Variants in SORCS1 observed in about 807,000 individuals in gnomAD.
The protein encoded by SORCS1 is sortilin related VPS10 domain containing receptor 1.
A neutral mutation model predicts 146.1 loss-of-function variants in SORCS1; 60 were observed. The observed-to-expected ratio is 0.41, with a 90% CI of 0.33 to 0.51. SORCS1 has a LOEUF of 0.51. SORCS1 is among the 20% of genes least tolerant of loss of function. The pLI is 0.21. For missense variants in SORCS1, 1,352 were observed against 1,487.6 expected, an observed-to-expected ratio of 0.91 and a Z score of 1.50; for synonymous variants, 637 against 584.0, an observed-to-expected ratio of 1.09 and a Z score of -1.31.
At chr10:106,990,762 AG>A (rs765361368) in intron 1 of SORCS1, among the ~76,000 whole-genome samples, 8 of 152,218 alleles carry the variant, frequency 5.3e-5, no homozygotes, top group Non-Finnish European at 1.2e-4. Context: ...TTAATGCATA[AG>A]GTCTACTTCT....
intron 3 of SORCS1, among the ~76,000 whole-genome samples, chr10:106,815,630 T>C (rs577002332): frequency 5.4e-4 from 83 of 152,300 alleles, no homozygotes; most frequent in South Asian, 1.2e-3. Context: ...CATCATATTA[T>C]ACTCTCAGTC....
chr10:106,949,056 T>C (rs1225365775), intron 2 of SORCS1, among the ~76,000 whole-genome samples: 3 of 151,892 alleles, frequency 2.0e-5, no homozygotes, highest in African/African-American at 7.3e-5. Context: ...CACAAAAGAA[T>C]CTAGAATCCA....
intron 2 of SORCS1, among the ~76,000 whole-genome samples, chr10:106,883,055 A>G (rs1202598898): frequency 6.6e-6 from 1 of 152,234 alleles, no homozygotes; most frequent in Non-Finnish European, 1.5e-5. Flanking sequence ...AAGAGGTTCT[A>G]CAGAAGGTGT....
At chr10:106,620,271 T>A in intron 20 of SORCS1, 157 bp downstream of exon 20, 1 of 810,228 alleles carries the variant, frequency 1.2e-6, no homozygotes. Context: ...AGAGAGAACA[T>A]AATGATGAGA....
At chr10:107,137,600 C>T (rs1967426821) in intron 1 of SORCS1, among the ~76,000 whole-genome samples, 1 of 152,110 alleles carries the variant, frequency 6.6e-6, no homozygotes, top group African/African-American at 2.4e-5. Flanking sequence ...GTGGTGGCTC[C>T]GCCTGTAATC....
intron 2 of SORCS1, among the ~76,000 whole-genome samples, chr10:106,914,766 C>T (rs1047738480): frequency 2.6e-5 from 4 of 152,200 alleles, no homozygotes; most frequent in South Asian, 2.1e-4. Context: ...GAATGACTAG[C>T]GTGGGACCTT....
At chr10:106,618,451 T>C (rs1847523574) in intron 20 of SORCS1, among the ~76,000 whole-genome samples, 179 bp from the exon 21 acceptor site, 1 of 152,138 alleles carries the variant, frequency 6.6e-6, no homozygotes, top group African/African-American at 2.4e-5. Flanking sequence ...GAAAAGAGGC[T>C]ATTGGAGCAA....
At chr10:106,758,882 A>T (rs1447430177) in intron 5 of SORCS1, among the ~76,000 whole-genome samples, 1 of 152,170 alleles carries the variant, frequency 6.6e-6, no homozygotes, top group Non-Finnish European at 1.5e-5. Context: ...GAGAGAGGTA[A>T]ATAAGCTTCT....
chr10:106,836,437 T>C (rs541346812), intron 2 of SORCS1, among the ~76,000 whole-genome samples: 3 of 142,536 alleles, frequency 2.1e-5, no homozygotes, highest in South Asian at 2.2e-4. Flanking sequence ...ATTGCGCCAC[T>C]GCACTCCAGC....
intron 18 of SORCS1, among the ~76,000 whole-genome samples, chr10:106,648,129 T>C (rs1849588404): frequency 6.6e-6 from 1 of 152,214 alleles, no homozygotes; most frequent in Non-Finnish European, 1.5e-5. Context: ...CCCAAAATGT[T>C]GGGATCCACC....
At chr10:106,845,807 C>G (rs1447749637) in intron 2 of SORCS1, among the ~76,000 whole-genome samples, 2 of 64,910 alleles carry the variant, frequency 3.1e-5, no homozygotes, top group African/African-American at 4.5e-5. Context: ...ATATGGCTAG[C>G]CAGTTTTCCC....
chr10:106,964,025 A>T (rs1267861909), intron 1 of SORCS1, among the ~76,000 whole-genome samples: 2 of 152,222 alleles, frequency 1.3e-5, no homozygotes, highest in Non-Finnish European at 1.5e-5. Flanking sequence ...CATTTAAGAC[A>T]AATCCCAGAA....
intron 1 of SORCS1, among the ~76,000 whole-genome samples, chr10:106,991,708 C>A (rs1397875093): frequency 7.9e-5 from 12 of 151,790 alleles, no homozygotes; most frequent in Admixed American, 7.9e-4. Context: ...CTCCCCGGTA[C>A]ATTACAAAAA....
intron 2 of SORCS1, among the ~76,000 whole-genome samples, chr10:106,928,068 C>G (rs533558068): frequency 6.6e-6 from 1 of 152,382 alleles, no homozygotes; most frequent in East Asian, 1.9e-4. Flanking sequence ...ACCGGCGCTG[C>G]ATGTGGAGCT....
intron 14 of SORCS1, among the ~76,000 whole-genome samples, chr10:106,673,779 A>G (rs1039469349): frequency 6.6e-6 from 1 of 152,216 alleles, no homozygotes; most frequent in African/African-American, 2.4e-5. Context: ...TACACTGTAC[A>G]TTCTACTCTC....
At chr10:107,076,433 A>G (rs1484664989) in intron 1 of SORCS1, among the ~76,000 whole-genome samples, 3 of 152,172 alleles carry the variant, frequency 2.0e-5, no homozygotes, top group African/African-American at 7.2e-5. Flanking sequence ...TTCTCATAGT[A>G]ATCTCTTCTA....
In SORCS1 at chr10:106,674,843, C is replaced by G. The variant is rs117125134; in HGVS notation, c.1940+206G>C. ...AATCATCACTTCTAATTTCTCTAAG[C>G]GCCTCAGTCTGGGTCTCCTAAAAAC... On this transcript the variant is annotated intron_variant, in intron 14 of 25. Coordinates refer to ENST00000263054, the MANE Select transcript of SORCS1 (RefSeq NM_052918.5). Among the ~76,000 whole-genome samples, 2 of 152,086 alleles carry G rather than the reference C, an allele frequency of 1.3e-5. 1 individual carries two copies. Among genetic ancestry groups the G allele is most frequent in the Admixed American group, 1.3e-4 (2 of 15,276 alleles).
chr10:106,901,820 G>C (rs1310076623), intron 2 of SORCS1, among the ~76,000 whole-genome samples: 2 of 152,154 alleles, frequency 1.3e-5, no homozygotes, highest in Non-Finnish European at 2.9e-5. Context: ...GAGGTGGGTG[G>C]ATCACGAGGT....
chr10:106,861,186 T>C (rs1213096836), intron 2 of SORCS1, among the ~76,000 whole-genome samples: 1 of 151,914 alleles, frequency 6.6e-6, no homozygotes, highest in Non-Finnish European at 1.5e-5. Flanking sequence ...TTGCCTGAGC[T>C]CAGGAGTTCG....
Sources: gnomAD v4.1 joint callset for allele counts (sites outside exome capture counted in the v4.1 genomes callset) on GRCh38, gnomAD v4.1.1 for gene constraint, MANE v1.5 for transcripts, NCBI Gene and HGNC (gene_info 2026-07-23, HGNC 2026-07-21) for gene names.